USP31: variants seen among roughly 807,000 people sequenced by gnomAD.
USP31 encodes ubiquitin specific peptidase 31, also known as ubiquitin carboxyl-terminal hydrolase 31.
USP31 carries 44 observed loss-of-function variants against 119.4 expected under a neutral mutation model. That is an observed-to-expected ratio of 0.37 (90% confidence interval 0.29 to 0.47). USP31 has a LOEUF of 0.47. USP31 is among the 20% of genes least tolerant of loss of function. The pLI is 0.99. For missense variants in USP31, 1,643 were observed against 1,730.2 expected (o/e 0.95, Z 0.89); for synonymous variants, 749 against 705.6 (o/e 1.06, Z -0.97).
Position 23,149,027 on chromosome 16 carries a change from C to T in USP31, c.244G>A (p.Gly82Ser), listed in dbSNP as rs1301947005. 3.4e-6 allele frequency: 4 copies of T among 1,187,196 alleles called. No individual in the cohort carries two copies. Among genetic ancestry groups the T allele is most frequent in the Non-Finnish European group, 4.3e-6 (4 of 937,900 alleles). The allele number at this position is 1,187,196 out of a possible 1,614,324, so 73.5% of individuals were successfully genotyped here. A position where few individuals can be genotyped will look rare whatever the true frequency, so the allele number is the denominator to read the frequency against. The change falls in exon 1 of 16, where the codon GGC becomes AGC. Residue 82 changes from glycine to serine, a missense_variant. Physicochemically the swap from Gly to Ser is moderately conservative, Grantham distance 56 (BLOSUM62 0). Coordinates refer to ENST00000219689, the MANE Select transcript of USP31 (RefSeq NM_020718.4). ...AGGCCGCCGCGGTCTGGGGCGGCGCCCTCAGAGCTAAGGTGCGAGAGCGTG... is the reference window on the plus strand; with the variant it reads ...AGGCCGCCGCGGTCTGGGGCGGCGCTCTCAGAGCTAAGGTGCGAGAGCGTG... ...LSTLSHLSSE[G>S]AAPDRGGLRS...
chr16:23,085,087 G>A (rs570674575), intron 10 of USP31, 98 bp from the exon 11 acceptor site: 36 of 1,444,628 alleles, frequency 2.5e-5, no homozygotes, highest in Middle Eastern at 2.0e-4. Context: ...ACTCATAACC[G>A]AAGGAAAAAA....
intron 1 of USP31, among the ~76,000 whole-genome samples, chr16:23,130,414 C>G (rs909735043): frequency 1.3e-5 from 2 of 151,542 alleles, no homozygotes; most frequent in Non-Finnish European, 2.9e-5. Flanking sequence ...AGTGACACCC[C>G]CCCCCCAACT....
At chr16:23,131,273 G>T (rs1471661117) in intron 1 of USP31, among the ~76,000 whole-genome samples, 1 of 152,290 alleles carries the variant, frequency 6.6e-6, no homozygotes, top group Non-Finnish European at 1.5e-5. Context: ...CTGCACTCCA[G>T]GCTGGGCGAC....
chr16:23,134,657 C>A (rs1567247564), intron 1 of USP31, among the ~76,000 whole-genome samples: 1 of 123,616 alleles, frequency 8.1e-6, no homozygotes, highest in Non-Finnish European at 1.7e-5. Context: ...TATTTTAGAA[C>A]ACAGTAGAAA....
At position 23,112,167 on chromosome 16, in the gene USP31, C is replaced by A. The variant is rs537161484; in HGVS notation, c.634-3984G>T. Among the ~76,000 whole-genome samples, 4 of 152,290 alleles carry A rather than the reference C, an allele frequency of 2.6e-5. 1 individual carries two copies. In the South Asian group the frequency reaches 8.3e-4, roughly 32 times the overall value. ...CTGGATGCCATCTCAGAAACAGGTACACAAGGAGGAACAGGCATGATGGGA... is the reference window on the plus strand; with the variant it reads ...CTGGATGCCATCTCAGAAACAGGTAAACAAGGAGGAACAGGCATGATGGGA... On this transcript the variant is annotated intron_variant, in intron 1 of 15. Transcript: ENST00000219689.
At chr16:23,100,139 T>TA (rs1218047189) in intron 6 of USP31, among the ~76,000 whole-genome samples, 1 of 152,098 alleles carries the variant, frequency 6.6e-6, no homozygotes, top group Admixed American at 6.5e-5. Context: ...TGATTAAACA[T>TA]AAAGTTACCA....
At chr16:23,086,975 G>A (rs1027637069) in intron 9 of USP31, 117 bp downstream of exon 9, 30 of 704,618 alleles carry the variant, frequency 4.3e-5, no homozygotes, top group South Asian at 1.4e-4. Flanking sequence ...ACTTAATTTC[G>A]AAATAAGCCT....
At chr16:23,074,476 T>C (rs1204553959) in intron 13 of USP31, among the ~76,000 whole-genome samples, 1 of 152,230 alleles carries the variant, frequency 6.6e-6, no homozygotes, top group Non-Finnish European at 1.5e-5. Context: ...AAGCATCTCA[T>C]TTAATCCTCA....
chr16:23,071,977 AAC>A, intron 15 of USP31, 66 bp downstream of exon 15: 1 of 1,542,504 alleles, frequency 6.5e-7, no homozygotes, highest in Non-Finnish European at 8.7e-7. Flanking sequence ...TCCTAGGAAA[AAC>A]ACGAGGGACT....
chr16:23,102,487 A>T (rs1233933137), intron 5 of USP31, 24 bp from the exon 6 acceptor site: 2 of 1,596,186 alleles, frequency 1.3e-6, no homozygotes, highest in African/African-American at 2.7e-5. Flanking sequence ...AAATGTAAAC[A>T]GGTGGGTAAC....
In USP31 at chr16:23,063,903, C is replaced by G. The variant is rs924973383; in HGVS notation, c.*4143G>C. On this transcript the variant is annotated 3_prime_UTR_variant, in exon 16 of 16. Transcript: ENST00000219689. ...TCTGCAAAATACTTTGAAAGTTGATCAAAAGGCAGTGTGAGAGTGTTCATT... is the reference window on the plus strand; with the variant it reads ...TCTGCAAAATACTTTGAAAGTTGATGAAAAGGCAGTGTGAGAGTGTTCATT... 6.6e-6 allele frequency: 1 copy of G among 152,108 alleles called. No homozygotes were observed. Among genetic ancestry groups the G allele is most frequent in the African/African-American group, 2.4e-5 (1 of 41,394 alleles). 9.4% of individuals were successfully genotyped at this position (152,108 alleles called of 1,614,324 possible).
At chr16:23,142,735 T>G (rs62031869) in intron 1 of USP31, among the ~76,000 whole-genome samples, 1 of 152,194 alleles carries the variant, frequency 6.6e-6, no homozygotes, top group Admixed American at 6.5e-5. Flanking sequence ...CTCAGAGGTG[T>G]GGAGCTTTGC....
chr16:23,094,309 T>C (rs1213793030), intron 6 of USP31, among the ~76,000 whole-genome samples: 1 of 152,154 alleles, frequency 6.6e-6, no homozygotes, highest in Non-Finnish European at 1.5e-5. Context: ...CATCCACCAT[T>C]GCTGAGGCTT....
At chr16:23,148,593 C>T in intron 1 of USP31, 45 bp downstream of exon 1, 2 of 1,415,960 alleles carry the variant, frequency 1.4e-6, no homozygotes, top group Non-Finnish European at 1.8e-6. Context: ...GCAGGTGCCC[C>T]AGGGGCTCGG....
rs1903646184 is a variant in USP31, at chr16:23,149,265, G to C, written c.6C>G (p.Ser2=). 9.2e-7 allele frequency: 1 copy of C among 1,089,282 alleles called. No individual in the cohort carries two copies. The highest frequency in any genetic ancestry group is 1.1e-6 in the Non-Finnish European group (1 of 897,698). 67.5% of individuals were successfully genotyped at this position (1,089,282 alleles called of 1,614,324 possible). A position where few individuals can be genotyped will look rare whatever the true frequency, so the allele number is the denominator to read the frequency against. The part of the protein sequence containing the change: M[S]KVTAPGSGPP... ...GCCCGGACCCAGGCGCCGTTACCTT[G>C]GACATGGCGGCGGCCGCAGACACTC... Residue 2 remains serine (S), a synonymous_variant, in exon 1 of 16, where the codon TCC becomes TCG. Coordinates refer to ENST00000219689, the MANE Select transcript of USP31 (RefSeq NM_020718.4).
intron 1 of USP31, among the ~76,000 whole-genome samples, chr16:23,130,814 A>G (rs1430280849): frequency 6.6e-6 from 1 of 152,174 alleles, no homozygotes; most frequent in Admixed American, 6.5e-5. Flanking sequence ...AACCTTAAAC[A>G]TTTTTGGCAG....
intron 1 of USP31, among the ~76,000 whole-genome samples, chr16:23,114,988 AGT>A (rs1902444802): frequency 1.3e-5 from 2 of 152,226 alleles, no homozygotes; most frequent in South Asian, 4.1e-4. Flanking sequence ...AAAGAAAAGC[AGT>A]AGGAGTCAAG....
chr16:23,074,417 T>C (rs529280075), intron 13 of USP31, among the ~76,000 whole-genome samples: 4 of 152,312 alleles, frequency 2.6e-5, no homozygotes, highest in Non-Finnish European at 5.9e-5. Context: ...AATAACAATA[T>C]AATGATATGA....
At chr16:23,111,248 C>T (rs914480415) in intron 1 of USP31, among the ~76,000 whole-genome samples, 1 of 152,050 alleles carries the variant, frequency 6.6e-6, no homozygotes. Flanking sequence ...TAATGACAGT[C>T]TAAGCTAAAG....
Sources: allele counts gnomAD v4.1 joint callset (sites outside exome capture counted in the v4.1 genomes callset), GRCh38; gene constraint gnomAD v4.1.1; transcripts MANE v1.5; gene names NCBI Gene and HGNC (gene_info 2026-07-23, HGNC 2026-07-21).